Variants in GRIN2A observed in about 807,000 individuals in gnomAD.
The protein encoded by GRIN2A is glutamate ionotropic receptor NMDA type subunit 2A.
GRIN2A carries 22 observed loss-of-function variants against 113.4 expected under a neutral mutation model. The ratio of observed to expected loss-of-function variants is 0.19; its 90% CI spans 0.14 to 0.28. The LOEUF is 0.28. GRIN2A is among the 10% of genes least tolerant of loss of function. The pLI is 1.00. For missense variants in GRIN2A, 1,502 were observed against 1,887.0 expected (o/e 0.80, Z 3.78); for synonymous variants, 827 against 738.4 (o/e 1.12, Z -1.94).
chr16:9,884,981 C>A (rs1375603438), intron 4 of GRIN2A, among the ~76,000 whole-genome samples: 1 of 151,708 alleles, frequency 6.6e-6, no homozygotes, highest in Non-Finnish European at 1.5e-5. Flanking sequence ...TCGTGATCCA[C>A]CCACCTCGGC....
At chr16:9,775,488 C>A (rs1901538125) in intron 11 of GRIN2A, among the ~76,000 whole-genome samples, 1 of 152,196 alleles carries the variant, frequency 6.6e-6, no homozygotes, top group Non-Finnish European at 1.5e-5. Flanking sequence ...CCTCTAAGAG[C>A]TCATTCCTGT....
chr16:10,065,526 GCTCA>G (rs1209678794), intron 2 of GRIN2A, among the ~76,000 whole-genome samples: 1 of 152,128 alleles, frequency 6.6e-6, no homozygotes, highest in African/African-American at 2.4e-5. Context: ...TCTGTCATTT[GCTCA>G]CTGTGTGACT....
At chr16:9,825,831 T>G (rs2042378123) in intron 9 of GRIN2A, among the ~76,000 whole-genome samples, 1 of 152,088 alleles carries the variant, frequency 6.6e-6, no homozygotes, top group Non-Finnish European at 1.5e-5. Context: ...GAGAACACAT[T>G]CCTGGGCTCA....
chr16:9,898,836 G>T (rs1401962817), intron 3 of GRIN2A, among the ~76,000 whole-genome samples: 2 of 143,334 alleles, frequency 1.4e-5, no homozygotes, highest in African/African-American at 5.2e-5. Context: ...TTCTCCTGGT[G>T]TTTGCAAATC....
At chr16:9,997,072 C>T (rs1460367518) in intron 2 of GRIN2A, among the ~76,000 whole-genome samples, 2 of 152,110 alleles carry the variant, frequency 1.3e-5, no homozygotes, top group East Asian at 1.9e-4. Context: ...CCTGACAACA[C>T]AGAAGAAAAA....
intron 3 of GRIN2A, among the ~76,000 whole-genome samples, chr16:9,928,072 C>G (rs1410893778): frequency 6.6e-6 from 1 of 152,214 alleles, no homozygotes; most frequent in Non-Finnish European, 1.5e-5. Context: ...CCCATGCCCA[C>G]GCAGAACACA....
chr16:9,944,773 A>G (rs988906782), intron 2 of GRIN2A, among the ~76,000 whole-genome samples: 16 of 152,156 alleles, frequency 1.1e-4, no homozygotes, highest in Non-Finnish European at 1.9e-4. Context: ...CCTAGAGTGC[A>G]AGACTGCCCG....
chr16:10,035,333 A>C (rs11648440), intron 2 of GRIN2A, among the ~76,000 whole-genome samples: 30,505 of 151,886 alleles, frequency 0.2, 3,855 homozygotes, highest in East Asian at 0.52. Context: ...ACCCATCCTC[A>C]CTGCCCACCA....
chr16:10,111,444 G>A, intron 2 of GRIN2A: 1 of 577,972 alleles, frequency 1.7e-6, no homozygotes, highest in East Asian at 3.3e-5. Flanking sequence ...TCACCGTGCA[G>A]CAGCTCTTCC....
chr16:10,143,415 C>T (rs1181279426), intron 2 of GRIN2A, among the ~76,000 whole-genome samples: 2 of 152,036 alleles, frequency 1.3e-5, no homozygotes, highest in African/African-American at 2.4e-5. Flanking sequence ...ATATCTGAAC[C>T]ATAATTTCAA....
chr16:10,167,263 C>A (rs1205211867), intron 2 of GRIN2A, among the ~76,000 whole-genome samples: 1 of 152,152 alleles, frequency 6.6e-6, no homozygotes, highest in African/African-American at 2.4e-5. Flanking sequence ...CCGTAGCCTT[C>A]ATTAGATTTT....
At chr16:9,779,863 G>C (rs1901839746) in intron 11 of GRIN2A, among the ~76,000 whole-genome samples, 1 of 152,204 alleles carries the variant, frequency 6.6e-6, no homozygotes, top group Admixed American at 6.5e-5. Flanking sequence ...GCACATGCGG[G>C]TGGCAGAGAA....
intron 2 of GRIN2A, among the ~76,000 whole-genome samples, chr16:10,073,581 G>A (rs960637257): frequency 6.6e-6 from 1 of 151,994 alleles, no homozygotes; most frequent in African/African-American, 2.4e-5. Context: ...TGATGTGTGA[G>A]GGTCAAAAAA....
chr16:9,762,927 C>G lies in GRIN2A; in HGVS notation c.*222G>C. 1.7e-6 allele frequency: 1 copy of G among 600,406 alleles called. No individual in the cohort carries two copies. The highest frequency in any genetic ancestry group is 2.0e-5 in the South Asian group (1 of 49,476). 37.2% of individuals were successfully genotyped at this position (600,406 alleles called of 1,614,324 possible). On this transcript the variant is annotated 3_prime_UTR_variant, in exon 13 of 13. Transcript: ENST00000330684. Reference sequence around the variant, plus strand: ...TTAGTTATTTTTGGTTAAGGACTCACCTATCTGGTGTCTGCCATGCTCAGC... The same window carrying G: ...TTAGTTATTTTTGGTTAAGGACTCAGCTATCTGGTGTCTGCCATGCTCAGC...
At chr16:9,903,075 T>A (rs2043963924) in intron 3 of GRIN2A, among the ~76,000 whole-genome samples, 1 of 151,614 alleles carries the variant, frequency 6.6e-6, no homozygotes, top group South Asian at 2.1e-4. Context: ...TTCAAGCGAT[T>A]CACCTGCCTT....
intron 2 of GRIN2A, among the ~76,000 whole-genome samples, chr16:10,159,342 C>A (rs772136310): frequency 7.9e-5 from 12 of 152,146 alleles, no homozygotes; most frequent in Non-Finnish European, 1.3e-4. Context: ...GCACCCATGG[C>A]CATGTCAAGG....
At position 9,938,016 on chromosome 16, in the gene GRIN2A, T is replaced by C; in HGVS notation, c.950A>G (p.Lys317Arg). The change falls in exon 3 of 13, where the codon AAG becomes AGG. Residue 317 changes from lysine to arginine, a missense_variant. By Grantham distance (26) the Lys-to-Arg change is conservative. Coordinates refer to ENST00000330684, the MANE Select transcript of GRIN2A (RefSeq NM_001134407.3). ...CTCCATCTGCCCGTAGCAGCTGGCC[T>C]TGGCCTCGGGGATGTAGGAGAACTT... ...LEKFSYIPEAKASCYGQMERP... is the reference protein window; with the variant it reads ...LEKFSYIPEARASCYGQMERP... 1 of 1,614,092 alleles carries C rather than the reference T, an allele frequency of 6.2e-7. No homozygotes were observed. Among genetic ancestry groups the C allele is most frequent in the Non-Finnish European group, 8.5e-7 (1 of 1,179,992 alleles).
In GRIN2A at chr16:9,762,629, C is replaced by A. The variant is rs1405288948; in HGVS notation, c.*520G>T. 2 of 240,006 alleles carry A rather than the reference C, an allele frequency of 8.3e-6. No individual in the cohort carries two copies. The highest frequency in any genetic ancestry group is 1.0e-4 in the Admixed American group (2 of 19,356). 14.9% of individuals were successfully genotyped at this position (240,006 alleles called of 1,614,324 possible). On this transcript the variant is annotated 3_prime_UTR_variant, in exon 13 of 13. Transcript: ENST00000330684. ...CAAGAAAGCTGAAACTGTTACGAGC[C>A]AAACTTCCTAATCTCTTGCACATGT...
At chr16:9,837,560 T>A (rs1787655994) in intron 7 of GRIN2A, among the ~76,000 whole-genome samples, 2 of 152,280 alleles carry the variant, frequency 1.3e-5, no homozygotes, top group South Asian at 4.1e-4. Flanking sequence ...AAGACTTTTT[T>A]GTGTGAAAAG....
Sources: gnomAD v4.1 joint callset for allele counts (sites outside exome capture counted in the v4.1 genomes callset) on GRCh38, gnomAD v4.1.1 for gene constraint, MANE v1.5 for transcripts, NCBI Gene and HGNC (gene_info 2026-07-23, HGNC 2026-07-21) for gene names.